The following RAPGEF1 variants were observed in gnomAD, a reference collection of about 807,000 sequenced individuals.
RAPGEF1 encodes the protein CRK SH3-binding GNRP.
In RAPGEF1, 33 loss-of-function variants were observed where a neutral mutation model predicts 143.3. The ratio of observed to expected loss-of-function variants is 0.23; its 90% CI spans 0.17 to 0.31. The LOEUF (loss-of-function observed/expected upper bound fraction) is 0.31. Ranked by LOEUF, RAPGEF1 falls within the 10% of genes least tolerant of loss-of-function variation. The pLI is 1.00. For missense variants in RAPGEF1, 1,199 were observed against 1,645.4 expected (o/e 0.73, Z 4.69); for synonymous variants, 629 against 676.5 (o/e 0.93, Z 1.09).
chr9:131,588,113 C>T (rs377362773), intron 20 of RAPGEF1, 87 bp from the exon 21 acceptor site: 1 of 1,138,558 alleles, frequency 8.8e-7, no homozygotes. Flanking sequence ...GGCGTCAGAG[C>T]AGGAGAGCCT....
At chr9:131,598,544 C>T in intron 15 of RAPGEF1, 1 of 664,658 alleles carries the variant, frequency 1.5e-6, no homozygotes, top group South Asian at 1.5e-5. Context: ...AGTGATTCCG[C>T]TGGGAAAATA....
intron 12 of RAPGEF1, among the ~76,000 whole-genome samples, chr9:131,608,979 C>T (rs147357397): frequency 4.4e-4 from 67 of 152,314 alleles, no homozygotes; most frequent in African/African-American, 1.5e-3. Context: ...TTGCTTCTGA[C>T]GAGCTGCTGC....
chr9:131,599,987 G>A (rs902788821), intron 15 of RAPGEF1, among the ~76,000 whole-genome samples: 1 of 152,078 alleles, frequency 6.6e-6, no homozygotes, highest in Non-Finnish European at 1.5e-5. Flanking sequence ...GCGTGGTGGC[G>A]CTTGCCTGTA....
In RAPGEF1 at chr9:131,739,831, C is replaced by T; in HGVS notation, c.-1G>A. 9.5e-7 allele frequency: 1 copy of T among 1,049,782 alleles called. No homozygotes were observed. The highest frequency in any genetic ancestry group is 3.4e-5 in the South Asian group (1 of 29,824). The allele number at this position is 1,049,782 out of a possible 1,614,324, so 65.0% of individuals were successfully genotyped here. ...GCCGGAGGCCGAGGCCGCCGCTCAT[C>T]GGGCCCGGGCCGGGCCGCCGCGGGG... is the stretch of plus-strand genomic sequence containing the variant. On this transcript the variant is annotated 5_prime_UTR_variant, in exon 1 of 27. Coordinates refer to ENST00000683357, the MANE Select transcript of RAPGEF1 (RefSeq NM_001377935.1).
chr9:131,605,861 CCCAGGAGTTTGAGG>C (rs1957046329), intron 12 of RAPGEF1, among the ~76,000 whole-genome samples: 1 of 151,714 alleles, frequency 6.6e-6, no homozygotes, highest in East Asian at 1.9e-4. Context: ...ATTGCTTGAG[CCCAGGAGTTTGAGG>C]CCAGCCTGGG....
intron 5 of RAPGEF1, among the ~76,000 whole-genome samples, chr9:131,636,317 A>C (rs1239489947): frequency 1.3e-5 from 2 of 152,284 alleles, no homozygotes; most frequent in Non-Finnish European, 2.9e-5. Context: ...CTGAATTTGT[A>C]AAGCTTCTCA....
chr9:131,739,753 C>G lies in RAPGEF1; in HGVS notation c.61+17G>C, dbSNP rs1837635755. The G allele has an allele frequency of 7.8e-6, 9 of 1,146,804 alleles. No homozygotes were observed. The highest frequency in any genetic ancestry group is 1.7e-5 in the African/African-American group (1 of 59,676). 71.0% of individuals were successfully genotyped at this position (1,146,804 alleles called of 1,614,324 possible). ...CCGGGCCCGGCCGGAGGGAGCCGCC[C>G]CACGCCCGCGCCTCACCTGCTTTCT... On this transcript the variant is annotated intron_variant, in intron 1 of 26. Transcript: ENST00000683357.
intron 1 of RAPGEF1, among the ~76,000 whole-genome samples, chr9:131,731,740 G>A (rs757123505): frequency 3.3e-5 from 5 of 152,192 alleles, no homozygotes; most frequent in East Asian, 1.9e-4. Context: ...CCATTTCTAC[G>A]CTTTAAAAGC....
chr9:131,622,064 A>G, intron 10 of RAPGEF1, 66 bp from the exon 11 acceptor site: 1 of 1,434,890 alleles, frequency 7.0e-7, no homozygotes, highest in Non-Finnish European at 9.6e-7. Flanking sequence ...CCCTCCCCCC[A>G]TTCTTCCCAC....
intron 10 of RAPGEF1, among the ~76,000 whole-genome samples, chr9:131,623,190 G>A (rs184297622): frequency 2.6e-5 from 4 of 152,280 alleles, no homozygotes; most frequent in Admixed American, 1.3e-4. Context: ...ATGACCGGGC[G>A]CACTGGCTCA....
intron 1 of RAPGEF1, among the ~76,000 whole-genome samples, chr9:131,717,120 G>A (rs1055068072): frequency 2.0e-5 from 3 of 152,184 alleles, no homozygotes; most frequent in African/African-American, 7.2e-5. Context: ...CCCGCACTGG[G>A]GAAGACTCCA....
intron 1 of RAPGEF1, among the ~76,000 whole-genome samples, chr9:131,679,704 G>A (rs1325369249): frequency 6.6e-6 from 1 of 152,198 alleles, no homozygotes; most frequent in Non-Finnish European, 1.5e-5. Context: ...CGGGGACTCC[G>A]CCAGGGAAGG....
At chr9:131,712,624 T>TGTGC (rs1332514004) in intron 1 of RAPGEF1, among the ~76,000 whole-genome samples, 1 of 152,216 alleles carries the variant, frequency 6.6e-6, no homozygotes, top group Non-Finnish European at 1.5e-5. Flanking sequence ...GGGTCACAGT[T>TGTGC]ACAGAACCTG....
At chr9:131,668,005 T>A (rs1169344513) in intron 1 of RAPGEF1, among the ~76,000 whole-genome samples, 1 of 152,232 alleles carries the variant, frequency 6.6e-6, no homozygotes, top group Non-Finnish European at 1.5e-5. Context: ...CCATCTTCAG[T>A]GGACAGCTGT....
At chr9:131,702,798 T>C (rs146444217) in intron 1 of RAPGEF1, among the ~76,000 whole-genome samples, 32 of 152,330 alleles carry the variant, frequency 2.1e-4, no homozygotes, top group South Asian at 1.0e-3. Flanking sequence ...AATTTCGATA[T>C]TCAACAGCAG....
chr9:131,676,262 C>T (rs1443065807), intron 1 of RAPGEF1, among the ~76,000 whole-genome samples: 1 of 152,118 alleles, frequency 6.6e-6, no homozygotes, highest in Non-Finnish European at 1.5e-5. Context: ...CCCAGCGCAC[C>T]CTGAGGAAAG....
At chr9:131,612,151 A>AT (rs1958114144) in intron 12 of RAPGEF1, among the ~76,000 whole-genome samples, 2 of 152,200 alleles carry the variant, frequency 1.3e-5, no homozygotes, top group South Asian at 4.1e-4. Flanking sequence ...TTTACAAGGA[A>AT]TGGGGATCCT....
At chr9:131,669,161 C>T (rs577710067) in intron 1 of RAPGEF1, among the ~76,000 whole-genome samples, 3 of 152,352 alleles carry the variant, frequency 2.0e-5, no homozygotes, top group East Asian at 1.9e-4. Context: ...CTCTGCTGCG[C>T]TAGCCCTGCT....
chr9:131,719,226 A>T (rs1441524435), intron 1 of RAPGEF1, among the ~76,000 whole-genome samples: 1 of 152,230 alleles, frequency 6.6e-6, no homozygotes. Context: ...TAATATCCCA[A>T]GGCACAATAT....
Sources: gnomAD v4.1 joint callset for allele counts (sites outside exome capture counted in the v4.1 genomes callset) on GRCh38, gnomAD v4.1.1 for gene constraint, MANE v1.5 for transcripts, NCBI Gene and HGNC (gene_info 2026-07-23, HGNC 2026-07-21) for gene names.